Variants in MCFD2 observed in about 807,000 individuals in gnomAD.
MCFD2 encodes the protein multiple coagulation factor deficiency 2, ER cargo receptor complex subunit, also known as multiple coagulation factor deficiency protein 2.
Under a neutral mutation model 12.8 loss-of-function variants are expected in MCFD2, and 11 were observed. The observed-to-expected ratio is 0.86, with a 90% confidence interval of 0.54 to 1.42. The LOEUF (loss-of-function observed/expected upper bound fraction) is 1.42, where lower values mean the gene tolerates loss of function less well. MCFD2 is among the 40% of genes most tolerant of loss of function. MCFD2 has a pLI of 0.00. For synonymous variants in MCFD2, 70 were observed against 68.1 expected (o/e 1.03, Z -0.14); for missense variants, 191 against 178.6 (o/e 1.07, Z -0.40).
chr2:46,920,943 C>A (rs374386058), intron 1 of MCFD2, among the ~76,000 whole-genome samples: 1 of 150,474 alleles, frequency 6.6e-6, no homozygotes, highest in Non-Finnish European at 1.5e-5. Context: ...TTTAAAAAGG[C>A]ATCTGACAAA....
chr2:46,941,383 T>C lies in MCFD2; in HGVS notation c.-8+189A>G, dbSNP rs977428995. On this transcript the variant is annotated intron_variant, in intron 1 of 2. Coordinates refer to the MCFD2 transcript ENST00000409147. The surrounding 1 kb of genome is among the most constrained non-coding windows in gnomAD (Gnocchi z 4.2). ...CTGCTGGTGCTGCTGCTGCTGCTGC[T>C]GCCCACCCTCCGCCGCCCGGGCCCC... is the stretch of plus-strand genomic sequence containing the variant. The C allele has an allele frequency of 9.9e-6, 5 of 507,010 alleles. No individual in the cohort carries two copies. Among genetic ancestry groups the C allele is most frequent in the East Asian group, 1.2e-4 (2 of 16,380 alleles). 31.4% of individuals were successfully genotyped at this position (507,010 alleles called of 1,614,324 possible). A position where few individuals can be genotyped will look rare whatever the true frequency, so the allele number is the denominator to read the frequency against.
At position 46,934,500 on chromosome 2, in the gene MCFD2, C is replaced by T. The variant is rs1276679942; in HGVS notation, c.-8+7072G>A. 2.6e-5 allele frequency among the ~76,000 whole-genome samples: 4 copies of T among 152,142 alleles called. No homozygotes were observed. The South Asian group carries it at 6.2e-4, about 24-fold the overall frequency. On this transcript the variant is annotated intron_variant, in intron 1 of 2. Coordinates refer to the MCFD2 transcript ENST00000409147. Reference sequence around the variant, plus strand: ...TCTTGAACTGGCTGGTCTCCAACTCCTGACCTCAAGTGATCCACCCACCTC... The same window carrying T: ...TCTTGAACTGGCTGGTCTCCAACTCTTGACCTCAAGTGATCCACCCACCTC...
At position 46,909,097 on chromosome 2, in the gene MCFD2, C is replaced by T. The variant is rs1430895843; in HGVS notation, c.75G>A (p.Arg25=). The T allele has an allele frequency of 6.2e-7, 1 of 1,614,118 alleles. No individual in the cohort carries two copies. Among genetic ancestry groups the T allele is most frequent in the Admixed American group, 1.7e-5 (1 of 60,008 alleles). ...AGAAGCTGGCTGCAGGCTCCTCAGC[C>T]CTGGCGCCTGGGGCACAAAAGGCCC... is the stretch of plus-strand genomic sequence containing the variant. ...LLWAFCAPGA[R]AEEPAASFSQ... Residue 25 remains arginine (R), a synonymous_variant, in exon 2 of 4, where the codon AGG becomes AGA. Coordinates refer to ENST00000319466, the MANE Select transcript of MCFD2 (RefSeq NM_139279.6).
upstream of MCFD2, among the ~76,000 whole-genome samples, chr2:46,920,086 TC>T (rs1199447499): frequency 6.6e-6 from 1 of 152,220 alleles, no homozygotes; most frequent in Non-Finnish European, 1.5e-5. Flanking sequence ...CCTTGTTTCT[TC>T]CGTCCCTGAC....
rs900041651 is a variant in MCFD2, at chr2:46,909,165, T to C, written c.7A>G (p.Met3Val). The C allele has an allele frequency of 1.3e-5, 21 of 1,613,750 alleles. No homozygotes were observed. In the African/African-American group the frequency reaches 2.7e-4, roughly 21 times the overall value. The stretch of plus-strand genomic sequence containing the variant: ...AAGGGGGTTCTGAGCAGGGATCTCA[T>C]GGTCATCAATATCTGTGAGATGGGA... MT[M>V]RSLLRTPFLC... The change falls in exon 2 of 4, where the codon ATG (methionine) becomes GTG (valine). Residue 3 changes from methionine to valine, a missense_variant. Coordinates refer to ENST00000319466, the MANE Select transcript of MCFD2 (RefSeq NM_139279.6).
chr2:46,926,408 T>C (rs769607797), intron 1 of MCFD2, among the ~76,000 whole-genome samples: 3 of 152,178 alleles, frequency 2.0e-5, no homozygotes, highest in Non-Finnish European at 4.4e-5. Context: ...TAAATGCTTG[T>C]TAGAGCCCAG....
At position 46,933,420 on chromosome 2, in the gene MCFD2, A is replaced by G. The variant is rs560716192; in HGVS notation, c.-8+8152T>C. 1.2e-4 allele frequency among the ~76,000 whole-genome samples: 18 copies of G among 152,370 alleles called. No individual in the cohort carries two copies. The South Asian group carries it at 3.7e-3, about 32-fold the overall frequency. On this transcript the variant is annotated intron_variant, in intron 1 of 2. Transcript: ENST00000409147. ...CTGAGTGTCTACTATGTGCAAGCAC[A>G]AAGAATTCATGATTCTGAAGCTTGC... is the stretch of plus-strand genomic sequence containing the variant.
chr2:46,937,076 G>A lies in MCFD2; in HGVS notation c.-8+4496C>T, dbSNP rs1245313576. Among the ~76,000 whole-genome samples, 1 of 151,830 alleles carries A rather than the reference G, an allele frequency of 6.6e-6. No individual in the cohort carries two copies. Among genetic ancestry groups the A allele is most frequent in the Non-Finnish European group, 1.5e-5 (1 of 67,954 alleles). The stretch of plus-strand genomic sequence containing the variant: ...TTGCCATATTGCCCAGGCTCGTCTC[G>A]AACTCCTGAGCTCAAGTGATCTGCC... On this transcript the variant is annotated intron_variant, in intron 1 of 2. Transcript: ENST00000409147. The surrounding 1 kb of genome is among the most constrained non-coding windows in gnomAD (Gnocchi z 4.0).
intron 1 of MCFD2, among the ~76,000 whole-genome samples, chr2:46,909,639 G>C (rs1668400668): frequency 6.6e-6 from 1 of 152,188 alleles, no homozygotes; most frequent in Non-Finnish European, 1.5e-5. Context: ...CACTTCAGCT[G>C]GGCCTGGACA....
rs570052795 is a variant in MCFD2, at chr2:46,907,590, G to T, written c.309+220C>A. ...GTTTTGTTTGTTTTGTAGAGACAGG[G>T]TCTCACTATATTGCCAAGGCTGGTC... is the stretch of plus-strand genomic sequence containing the variant. On this transcript the variant is annotated intron_variant, in intron 3 of 3. Coordinates refer to ENST00000319466, the MANE Select transcript of MCFD2 (RefSeq NM_139279.6). The surrounding 1 kb of genome is among the most constrained non-coding windows in gnomAD (Gnocchi z 4.1). The T allele has an allele frequency of 5.2e-6, 3 of 580,638 alleles. No individual in the cohort carries two copies. Among genetic ancestry groups the T allele is most frequent in the East Asian group, 3.1e-5 (1 of 32,702 alleles). 36.0% of individuals were successfully genotyped at this position (580,638 alleles called of 1,614,324 possible). A position where few individuals can be genotyped will look rare whatever the true frequency, so the allele number is the denominator to read the frequency against.
rs987689875 is a variant in MCFD2, at chr2:46,937,934, G to A, written c.-8+3638C>T. Among the ~76,000 whole-genome samples, 1 of 152,102 alleles carries A rather than the reference G, an allele frequency of 6.6e-6. No homozygotes were observed. Among genetic ancestry groups the A allele is most frequent in the Non-Finnish European group, 1.5e-5 (1 of 68,030 alleles). On this transcript the variant is annotated intron_variant, in intron 1 of 2. Transcript: ENST00000409147. This position sits in a 1 kb window ranked among gnomAD's most constrained non-coding sequence, Gnocchi z 4.0. ...GAAGAAAACTACTGTGTATATATAT[G>A]TAAAAGAGAGAAGTCTGATGGAGAC...
intron 1 of MCFD2, among the ~76,000 whole-genome samples, chr2:46,910,166 T>C (rs979647729): frequency 7.2e-5 from 11 of 152,150 alleles, no homozygotes; most frequent in Non-Finnish European, 1.3e-4. Flanking sequence ...TTGTGGTCAA[T>C]AAGATGACAG....
chr2:46,916,837 G>A (rs533758343), upstream of MCFD2, among the ~76,000 whole-genome samples: 1 of 152,060 alleles, frequency 6.6e-6, no homozygotes, highest in African/African-American at 2.4e-5. Flanking sequence ...GTTTCACCGT[G>A]TTGGCCAGGC....
rs116125520 is a variant in MCFD2, at chr2:46,921,909, C to T, written c.-7-13940G>A. The stretch of plus-strand genomic sequence containing the variant: ...AGGCATAGCTCAGGTTGGTAATGCT[C>T]ACTCGCCCACCCAGTGCTCACTTCC... On this transcript the variant is annotated intron_variant, in intron 1 of 2. Transcript: ENST00000409147. Among the ~76,000 whole-genome samples, 1,475 of 152,328 alleles carry T rather than the reference C, an allele frequency of 9.7e-3. 30 individuals carry two copies. The highest frequency in any genetic ancestry group is 0.033 in the African/African-American group (1,381 of 41,564).
At chr2:46,926,425 A>C (rs763284918) in intron 1 of MCFD2, among the ~76,000 whole-genome samples, 1 of 152,194 alleles carries the variant, frequency 6.6e-6, no homozygotes, top group Non-Finnish European at 1.5e-5. Context: ...CCAGGTCGCC[A>C]TGGGAGCACA....
chr2:46,919,287 C>T (rs1668976872), upstream of MCFD2, among the ~76,000 whole-genome samples: 1 of 152,214 alleles, frequency 6.6e-6, no homozygotes, highest in South Asian at 2.1e-4. Context: ...GTAATCCCAG[C>T]ACTTTGGGAG....
chr2:46,926,777 GAAGA>G (rs1669405466), intron 1 of MCFD2, among the ~76,000 whole-genome samples: 1 of 152,204 alleles, frequency 6.6e-6, no homozygotes, highest in East Asian at 1.9e-4. Context: ...ACACAAACTA[GAAGA>G]AAGAGCAATC....
At chr2:46,936,845 A>G (rs1379483080) in intron 1 of MCFD2, among the ~76,000 whole-genome samples, 2 of 151,326 alleles carry the variant, frequency 1.3e-5, no homozygotes, top group African/African-American at 4.9e-5. Flanking sequence ...CATACAAAAG[A>G]AACAGGATTC....
At chr2:46,926,457 T>C (rs13384023) in intron 1 of MCFD2, among the ~76,000 whole-genome samples, 23,113 of 152,070 alleles carry the variant, frequency 0.15, 2,753 homozygotes, top group African/African-American at 0.33. Context: ...CTTAAGCCTA[T>C]GGTGAGGATA....
Sources: gnomAD v4.1 joint callset for allele counts (sites outside exome capture counted in the v4.1 genomes callset) on GRCh38, gnomAD v4.1.1 for gene constraint, Gnocchi (gnomAD v3.1) non-coding constraint, MANE v1.5 for transcripts, NCBI Gene and HGNC (gene_info 2026-07-23, HGNC 2026-07-21) for gene names.